Variants in SPON1 observed in about 807,000 individuals in gnomAD.
The protein encoded by SPON1 is spondin 1, also known as spondin-1.
In SPON1, 52 loss-of-function variants were observed where a neutral mutation model predicts 111.7. The ratio of observed to expected loss-of-function variants is 0.47; its 90% CI spans 0.37 to 0.59. The LOEUF (loss-of-function observed/expected upper bound fraction) is 0.59. Ranked by LOEUF, SPON1 falls within the 20% of genes least tolerant of loss-of-function variation. SPON1 has a pLI of 0.00. For synonymous variants in SPON1, 410 were observed against 395.8 expected (o/e 1.04, Z -0.43); for missense variants, 957 against 1,068.5 (o/e 0.90, Z 1.46).
chr11:14,101,332 A>G (rs1849142484), intron 5 of SPON1, among the ~76,000 whole-genome samples: 1 of 152,136 alleles, frequency 6.6e-6, no homozygotes, highest in African/African-American at 2.4e-5. Flanking sequence ...CCCACGAGGC[A>G]GAGGTTGCAG....
chr11:14,037,373 A>G (rs1197962097), intron 2 of SPON1, among the ~76,000 whole-genome samples: 1 of 152,178 alleles, frequency 6.6e-6, no homozygotes, highest in Non-Finnish European at 1.5e-5. Context: ...TAGTAAAAAA[A>G]TAGTCTAACA....
intron 3 of SPON1, among the ~76,000 whole-genome samples, chr11:14,063,849 G>A (rs1055460175): frequency 6.6e-6 from 1 of 152,196 alleles, no homozygotes; most frequent in Admixed American, 6.5e-5. Flanking sequence ...GAGAACAATG[G>A]TTGCCATCAG....
At chr11:14,082,637 C>A (rs1848971664) in intron 5 of SPON1, among the ~76,000 whole-genome samples, 1 of 152,156 alleles carries the variant, frequency 6.6e-6, no homozygotes, top group Non-Finnish European at 1.5e-5. Context: ...TGAGTCAAAC[C>A]TTCCATGGAG....
At chr11:14,123,613 A>T (rs1324963900) in intron 5 of SPON1, among the ~76,000 whole-genome samples, 1 of 152,208 alleles carries the variant, frequency 6.6e-6, no homozygotes, top group African/African-American at 2.4e-5. Flanking sequence ...ACCCTGCACA[A>T]GTGAAGCTTA....
At chr11:14,261,908 C>T (rs11023164) in intron 14 of SPON1, among the ~76,000 whole-genome samples, 22,090 of 152,020 alleles carry the variant, frequency 0.15, 1,800 homozygotes, top group African/African-American at 0.18. Flanking sequence ...CTTCCACAGG[C>T]GGGATAAAAG....
intron 14 of SPON1, chr11:14,262,402 C>T (rs1554941987): frequency 7.6e-6 from 3 of 393,234 alleles, no homozygotes; most frequent in Non-Finnish European, 1.4e-5. Flanking sequence ...GCTGATCTGA[C>T]AATATTCTAG....
chr11:14,259,789 G>A lies in SPON1; in HGVS notation c.1831+88G>A, dbSNP rs1050590034. On this transcript the variant is annotated intron_variant, in intron 13 of 15. Transcript: ENST00000576479. The surrounding 1 kb of genome is among the most constrained non-coding windows in gnomAD (Gnocchi z 5.0). ...ATCCACTATTACCACCATAAAGGTC[G>A]GAGGCTGAGCAGAGGAAAGCATGGC... 1.8e-5 allele frequency: 25 copies of A among 1,413,612 alleles called. 1 individual carries two copies. Among genetic ancestry groups the A allele is most frequent in the African/African-American group, 7.1e-5 (5 of 70,158 alleles). The allele number at this position is 1,413,612 out of a possible 1,614,324, so 87.6% of individuals were successfully genotyped here.
At chr11:14,234,849 C>G (rs1848844255) in intron 6 of SPON1, among the ~76,000 whole-genome samples, 1 of 152,254 alleles carries the variant, frequency 6.6e-6, no homozygotes, top group Non-Finnish European at 1.5e-5. Flanking sequence ...TGCTTCTGTG[C>G]AAACGCATCA....
chr11:13,965,335 A>T (rs1221818102), intron 1 of SPON1, among the ~76,000 whole-genome samples: 1 of 152,132 alleles, frequency 6.6e-6, no homozygotes, highest in Non-Finnish European at 1.5e-5. Flanking sequence ...AGTGACTTAG[A>T]CTAGTCTGAG....
In SPON1 at chr11:14,041,220, C is replaced by T. The variant is rs570483918; in HGVS notation, c.346-301C>T. On this transcript the variant is annotated intron_variant, in intron 2 of 15. Coordinates refer to ENST00000576479, the MANE Select transcript of SPON1 (RefSeq NM_006108.4). ...CCTCCTTCTTCCCCAAAGTGGGACA[C>T]AGGTCGTTCTATTGAAATAAGCAAG... Among the ~76,000 whole-genome samples the T allele has an allele frequency of 2.0e-5, 3 of 152,304 alleles. No individual in the cohort carries two copies. In the East Asian group the frequency reaches 5.8e-4, roughly 29 times the overall value.
rs1477699337 is a variant in SPON1 at position 14,175,316 on chromosome 11, A to G, written c.825+39748A>G. On this transcript the variant is annotated intron_variant, in intron 6 of 15. Transcript: ENST00000576479. ...AATTCCTGTCCTCTGGATGGTGGAA[A>G]TCAAAAGAAAGTATTCCCACATGGT... is the stretch of plus-strand genomic sequence containing the variant. 2.6e-5 allele frequency among the ~76,000 whole-genome samples: 4 copies of G among 152,336 alleles called. No individual in the cohort carries two copies. In the East Asian group the frequency reaches 7.7e-4, roughly 29 times the overall value.
At chr11:13,975,256 T>G (rs551693200) in intron 1 of SPON1, among the ~76,000 whole-genome samples, 1 of 152,292 alleles carries the variant, frequency 6.6e-6, no homozygotes, top group South Asian at 2.1e-4. Flanking sequence ...AGCACTGAGC[T>G]AGTGTAGACC....
chr11:14,088,581 A>G (rs1431318563), intron 5 of SPON1, among the ~76,000 whole-genome samples: 1 of 147,722 alleles, frequency 6.8e-6, no homozygotes, highest in Non-Finnish European at 1.5e-5. Flanking sequence ...CTTCATTTCA[A>G]CCTTGGTGAA....
At chr11:13,975,467 A>G (rs782194705) in intron 1 of SPON1, among the ~76,000 whole-genome samples, 2 of 152,220 alleles carry the variant, frequency 1.3e-5, no homozygotes, top group African/African-American at 4.8e-5. Flanking sequence ...CTAAAGATGC[A>G]GTGGAGTTCA....
chr11:14,251,427 C>T (rs1011977079), intron 7 of SPON1, among the ~76,000 whole-genome samples: 1 of 152,168 alleles, frequency 6.6e-6, no homozygotes, highest in African/African-American at 2.4e-5. Context: ...GAATGATTTC[C>T]ACAAGGCCTT....
chr11:14,178,158 T>C (rs1310861662), intron 6 of SPON1, among the ~76,000 whole-genome samples: 1 of 151,752 alleles, frequency 6.6e-6, no homozygotes, highest in Non-Finnish European at 1.5e-5. Context: ...ATTAAATGAA[T>C]GTTTAGAAGT....
intron 2 of SPON1, among the ~76,000 whole-genome samples, chr11:14,012,388 G>A (rs1412000934): frequency 6.6e-6 from 1 of 152,036 alleles, no homozygotes; most frequent in Admixed American, 6.5e-5. Flanking sequence ...CCCAAATGGG[G>A]GTCAGCTTTT....
intron 6 of SPON1, among the ~76,000 whole-genome samples, chr11:14,157,535 G>A (rs556594874): frequency 1.1e-4 from 16 of 152,080 alleles, no homozygotes; most frequent in Non-Finnish European, 1.5e-4. Context: ...TATTGTTTTT[G>A]AGATTTCTAG....
chr11:14,074,480 A>G (rs1374145502), intron 3 of SPON1, among the ~76,000 whole-genome samples: 1 of 152,230 alleles, frequency 6.6e-6, no homozygotes, highest in East Asian at 1.9e-4. Context: ...TATATCTGTT[A>G]AACAGGGTGA....
Sources: allele counts gnomAD v4.1 joint callset (sites outside exome capture counted in the v4.1 genomes callset), GRCh38; gene constraint gnomAD v4.1.1; non-coding constraint Gnocchi (gnomAD v3.1); transcripts MANE v1.5; gene names NCBI Gene and HGNC (gene_info 2026-07-23, HGNC 2026-07-21).